KDM4C: variants seen among roughly 807,000 people sequenced by gnomAD.
The protein encoded by KDM4C is lysine-specific demethylase 4C.
Under a neutral mutation model 129.3 loss-of-function variants are expected in KDM4C, and 81 were observed. That is an observed-to-expected ratio of 0.63 (90% CI 0.52 to 0.75). KDM4C has a LOEUF of 0.75. Ranked by LOEUF, KDM4C falls within the 30% of genes least tolerant of loss-of-function variation. The pLI, the probability that KDM4C is intolerant of heterozygous loss-of-function variation, is 0.00. For synonymous variants in KDM4C, 573 were observed against 456.1 expected (o/e 1.26, Z -3.26); for missense variants, 1,457 against 1,304.0 (o/e 1.12, Z -1.81).
intron 17 of KDM4C, among the ~76,000 whole-genome samples, chr9:7,067,450 T>G (rs181233155): frequency 1.8e-4 from 28 of 152,330 alleles, no homozygotes; most frequent in African/African-American, 6.5e-4. Context: ...ACATTCTATT[T>G]CTCTGAGAAA....
At chr9:7,142,894 G>C (rs1214497775) in intron 19 of KDM4C, among the ~76,000 whole-genome samples, 1 of 152,144 alleles carries the variant, frequency 6.6e-6, no homozygotes, top group South Asian at 2.1e-4. Context: ...GTATTCATTT[G>C]AATGCACCTG....
intron 17 of KDM4C, among the ~76,000 whole-genome samples, chr9:7,088,625 T>G (rs1156545895): frequency 6.6e-6 from 1 of 152,238 alleles, no homozygotes; most frequent in Admixed American, 6.5e-5. Context: ...AGGTTTGTCT[T>G]AATGGATTAC....
rs148710361 is a variant in KDM4C at position 6,861,617 on chromosome 9, C to G, written c.629+11917C>G. ...AAATCTACAGACAACATACCTCAAA[C>G]TTAATATAGCCAATTGTCATGAATC... On this transcript the variant is annotated intron_variant, in intron 5 of 21. Coordinates refer to ENST00000381309, the MANE Select transcript of KDM4C (RefSeq NM_015061.6). Among the ~76,000 whole-genome samples, 3 of 152,290 alleles carry G rather than the reference C, an allele frequency of 2.0e-5. No individual in the cohort carries two copies. In the East Asian group the frequency reaches 5.8e-4, roughly 29 times the overall value.
intron 1 of KDM4C, among the ~76,000 whole-genome samples, chr9:6,760,460 T>TATATATATATATATAA (rs1189091893): frequency 6.7e-6 from 1 of 150,354 alleles, no homozygotes; most frequent in Admixed American, 6.6e-5. Flanking sequence ...TATATATATA[T>TATATATATATATATAA]ATATAATGTA....
At chr9:7,092,309 C>G (rs1232855641) in intron 17 of KDM4C, among the ~76,000 whole-genome samples, 1 of 152,140 alleles carries the variant, frequency 6.6e-6, no homozygotes, top group Non-Finnish European at 1.5e-5. Context: ...AGCTGGGACT[C>G]CTATGCACTC....
intron 15 of KDM4C, among the ~76,000 whole-genome samples, chr9:7,043,558 A>G (rs1264925178): frequency 2.0e-5 from 3 of 152,036 alleles, no homozygotes; most frequent in Non-Finnish European, 2.9e-5. Flanking sequence ...CATGTAATGA[A>G]ACTACAAATG....
intron 8 of KDM4C, among the ~76,000 whole-genome samples, chr9:6,905,303 A>G (rs1333362544): frequency 2.0e-5 from 3 of 152,194 alleles, no homozygotes; most frequent in African/African-American, 7.2e-5. Context: ...AAACACTTCT[A>G]AACCCTGATT....
intron 13 of KDM4C, among the ~76,000 whole-genome samples, chr9:7,012,279 A>C (rs966742764): frequency 2.6e-5 from 4 of 152,012 alleles, no homozygotes; most frequent in Non-Finnish European, 5.9e-5. Context: ...GGGTCTTACT[A>C]TGTTGCCTAG....
At chr9:7,055,642 G>T (rs976968092) in intron 17 of KDM4C, among the ~76,000 whole-genome samples, 1 of 152,144 alleles carries the variant, frequency 6.6e-6, no homozygotes, top group African/African-American at 2.4e-5. Context: ...TTTCACTGTG[G>T]TATTCCATCT....
At chr9:6,774,784 A>G (rs1175752529) in intron 1 of KDM4C, among the ~76,000 whole-genome samples, 2 of 152,246 alleles carry the variant, frequency 1.3e-5, no homozygotes, top group South Asian at 2.1e-4. Flanking sequence ...AAGACATGGT[A>G]TAGTTCTATG....
At chr9:6,794,058 C>G (rs931777815) in intron 2 of KDM4C, among the ~76,000 whole-genome samples, 1 of 152,188 alleles carries the variant, frequency 6.6e-6, no homozygotes, top group African/African-American at 2.4e-5. Context: ...ACCCCCAGCC[C>G]ATAGGCAACC....
At chr9:7,085,654 G>A (rs1304812223) in intron 17 of KDM4C, among the ~76,000 whole-genome samples, 1 of 152,108 alleles carries the variant, frequency 6.6e-6, no homozygotes, top group Admixed American at 6.5e-5. Context: ...TCATAGGAGC[G>A]AGAGGGTTTT....
intron 17 of KDM4C, among the ~76,000 whole-genome samples, chr9:7,096,760 A>G (rs980535887): frequency 2.0e-5 from 3 of 152,144 alleles, no homozygotes; most frequent in Non-Finnish European, 2.9e-5. Context: ...TCCACTAAAG[A>G]TCATGCTGAT....
intron 8 of KDM4C, among the ~76,000 whole-genome samples, chr9:6,956,611 G>A (rs1829108925): frequency 6.6e-6 from 1 of 152,048 alleles, no homozygotes; most frequent in Non-Finnish European, 1.5e-5. Context: ...ATTATCTAAG[G>A]TTGCGTTTGT....
intron 8 of KDM4C, among the ~76,000 whole-genome samples, chr9:6,980,034 A>T (rs1816493996): frequency 6.6e-6 from 1 of 152,080 alleles, no homozygotes; most frequent in Non-Finnish European, 1.5e-5. Context: ...GGAGGTGATA[A>T]TTGTATCACC....
At chr9:6,844,570 A>T (rs1448298828) in intron 4 of KDM4C, among the ~76,000 whole-genome samples, 1 of 152,258 alleles carries the variant, frequency 6.6e-6, no homozygotes, top group Non-Finnish European at 1.5e-5. Context: ...TGCAGAGTTA[A>T]ACGAAGTTAC....
rs117440224 is a variant in KDM4C at position 7,129,679 on chromosome 9, C to A, written c.2781+1443C>A. 2.6e-4 allele frequency among the ~76,000 whole-genome samples: 39 copies of A among 152,086 alleles called. No homozygotes were observed. In the East Asian group the frequency reaches 7.3e-3, roughly 29 times the overall value. On this transcript the variant is annotated intron_variant, in intron 19 of 21. Transcript: ENST00000381309. ...GCGGGTAAATGGATGCTTTCTCTAC[C>A]GTGGACCCATGTCTAGAACCCATGT... is the stretch of plus-strand genomic sequence containing the variant.
At chr9:7,140,690 G>C (rs576892184) in intron 19 of KDM4C, among the ~76,000 whole-genome samples, 2 of 152,252 alleles carry the variant, frequency 1.3e-5, no homozygotes, top group South Asian at 4.1e-4. Context: ...CTTACAGTGA[G>C]CACCTACTAC....
chr9:6,970,819 G>A (rs933484060), intron 8 of KDM4C, among the ~76,000 whole-genome samples: 4 of 111,792 alleles, frequency 3.6e-5, no homozygotes, highest in African/African-American at 1.4e-4. Context: ...CCCCACCCCG[G>A]TCTCACCCCC....
Sources: gnomAD v4.1 joint callset for allele counts (sites outside exome capture counted in the v4.1 genomes callset) on GRCh38, gnomAD v4.1.1 for gene constraint, MANE v1.5 for transcripts, NCBI Gene and HGNC (gene_info 2026-07-23, HGNC 2026-07-21) for gene names.